Variants in PSMD6 observed in about 807,000 individuals in gnomAD.
PSMD6 encodes the protein proteasome 26S subunit, non-ATPase 6, also known as 26S proteasome non-ATPase regulatory subunit 6.
PSMD6 carries 7 observed loss-of-function variants against 44.9 expected under a neutral mutation model. The observed-to-expected ratio is 0.16, with a 90% CI of 0.09 to 0.29. The LOEUF (loss-of-function observed/expected upper bound fraction) is 0.29. PSMD6 is among the 10% of genes least tolerant of loss of function. The pLI, the probability that PSMD6 is intolerant of heterozygous loss-of-function variation, is 1.00. For synonymous variants in PSMD6, 184 were observed against 172.7 expected (o/e 1.07, Z -0.51); for missense variants, 420 against 482.6 (o/e 0.87, Z 1.21).
chr3:64,023,465 C>A lies in PSMD6; in HGVS notation c.-46G>T, dbSNP rs1165133298. The A allele has an allele frequency of 4.0e-6, 6 of 1,515,214 alleles. No individual in the cohort carries two copies. The African/African-American group carries it at 4.3e-5, about 11-fold the overall frequency. 93.9% of individuals were successfully genotyped at this position (1,515,214 alleles called of 1,614,324 possible). On this transcript the variant is annotated 5_prime_UTR_variant, in exon 1 of 8. Coordinates refer to ENST00000295901, the MANE Select transcript of PSMD6 (RefSeq NM_014814.3). Reference sequence around the variant, plus strand: ...CTGACAGGACACAACTTGGTTACGACCGGCTGCGGCAGCGGAAGCGGGAGG... The same window carrying A: ...CTGACAGGACACAACTTGGTTACGAACGGCTGCGGCAGCGGAAGCGGGAGG...
intron 6 of PSMD6, 31 bp downstream of exon 6, chr3:64,013,408 C>G: frequency 6.6e-7 from 1 of 1,506,376 alleles, no homozygotes; most frequent in Non-Finnish European, 8.9e-7. Context: ...AACTTTAAAA[C>G]TTCAATTAAC....
chr3:64,013,276 A>C (rs1365879411), intron 6 of PSMD6, 163 bp downstream of exon 6: 4 of 600,904 alleles, frequency 6.7e-6, no homozygotes, highest in Non-Finnish European at 1.1e-5. Context: ...AGGAAGGCAG[A>C]GGCAACAGGA....
upstream of PSMD6, chr3:64,023,912 G>A: frequency 7.6e-7 from 1 of 1,319,464 alleles, no homozygotes; most frequent in South Asian, 1.4e-5. Flanking sequence ...GGCACAAAGA[G>A]GTTAGGGAAA....
intron 5 of PSMD6, chr3:64,013,875 A>AAAGT (rs1456892704): frequency 2.3e-5 from 7 of 309,030 alleles, no homozygotes; most frequent in Middle Eastern, 8.8e-4. Context: ...CATAGATGAC[A>AAAGT]AAGTTCACGT....
chr3:64,019,536 G>C, intron 2 of PSMD6, 95 bp from the exon 3 acceptor site: 3 of 1,370,292 alleles, frequency 2.2e-6, no homozygotes, highest in Admixed American at 4.6e-5. Context: ...GTTGAGGGAA[G>C]AGGTAGGAGT....
chr3:64,022,800 G>GTTCT lies in PSMD6; in HGVS notation c.146-278_146-277insAGAA, dbSNP rs781156646. The GTTCT allele has an allele frequency of 2.7e-5, 42 of 1,536,072 alleles. No individual in the cohort carries two copies. In the Middle Eastern group the frequency reaches 5.0e-4, roughly 18 times the overall value. On this transcript the variant is annotated intron_variant, in intron 1 of 7. Coordinates refer to ENST00000295901, the MANE Select transcript of PSMD6 (RefSeq NM_014814.3). ...GCTCTTGCCGGATTCTGTTCCAAAA[G>GTTCT]TCTTCAAACAGGGAAAGACTTTTTA...
chr3:64,022,653 G>A (rs1443827587), intron 1 of PSMD6, 130 bp from the exon 2 acceptor site: 4 of 1,551,006 alleles, frequency 2.6e-6, no homozygotes, highest in East Asian at 4.8e-5. Context: ...AGGAAGGCAT[G>A]CGATGGCGCT....
At chr3:64,011,724 T>TGTCA in intron 6 of PSMD6, 1 of 152,302 alleles carries the variant, frequency 6.6e-6, no homozygotes, top group Non-Finnish European at 1.5e-5. Context: ...TGCATTCACT[T>TGTCA]GTCATCAAGA....
rs1032976896 is a variant in PSMD6, at chr3:64,022,727, G to A, written c.146-204C>T. 24 of 1,536,544 alleles carry A rather than the reference G, an allele frequency of 1.6e-5. No individual in the cohort carries two copies. In the African/African-American group the frequency reaches 3.1e-4, roughly 20 times the overall value. On this transcript the variant is annotated intron_variant, in intron 1 of 7. Transcript: ENST00000295901. Reference sequence around the variant, plus strand: ...GGAGGTTTGCGTGACGGCCAATCCTGGCAATGCCAACCTCTACTAGGGCTG... The same window carrying A: ...GGAGGTTTGCGTGACGGCCAATCCTAGCAATGCCAACCTCTACTAGGGCTG...
At chr3:64,018,776 AAAAC>A (rs774789851) in intron 4 of PSMD6, 38 bp downstream of exon 4, 2 of 1,533,042 alleles carry the variant, frequency 1.3e-6, no homozygotes, top group Non-Finnish European at 1.8e-6. Flanking sequence ...TTAAACAAAA[AAAAC>A]AAGTCTTTAA....
At chr3:64,023,001 C>T in intron 1 of PSMD6, 1 of 1,422,688 alleles carries the variant, frequency 7.0e-7, no homozygotes, top group East Asian at 2.5e-5. Context: ...CTGTGCCTAG[C>T]ACAGGGGTAA....
upstream of PSMD6, chr3:64,023,807 T>C (rs1437341435): frequency 2.7e-6 from 4 of 1,478,648 alleles, no homozygotes; most frequent in African/African-American, 4.2e-5. Flanking sequence ...ACAATCACCA[T>C]AGTTTGTCGA....
intron 2 of PSMD6, among the ~76,000 whole-genome samples, chr3:64,021,484 TA>T (rs1441403711): frequency 6.6e-6 from 1 of 152,240 alleles, no homozygotes; most frequent in Non-Finnish European, 1.5e-5. Flanking sequence ...ATTGAGCATT[TA>T]TATTCTTTTA....
chr3:64,013,827 A>C (rs1002195696), intron 5 of PSMD6: 6 of 386,164 alleles, frequency 1.6e-5, no homozygotes, highest in Non-Finnish European at 2.8e-5. Context: ...TGGCTATTTG[A>C]CATCACTATC....
At chr3:64,023,779 A>G (rs1313229032), upstream of PSMD6, 3 of 1,471,540 alleles carry the variant, frequency 2.0e-6, no homozygotes, top group South Asian at 2.4e-5. Flanking sequence ...TGAAAATGTA[A>G]TAACAGCATT....
At chr3:64,019,155 T>C in intron 3 of PSMD6, 118 bp from the exon 4 acceptor site, 1 of 1,375,390 alleles carries the variant, frequency 7.3e-7, no homozygotes, top group Non-Finnish European at 1.0e-6. Context: ...AAAGGAGATA[T>C]TTAAATTATT....
At chr3:64,022,874 A>G in intron 1 of PSMD6, 1 of 1,512,822 alleles carries the variant, frequency 6.6e-7, no homozygotes, top group Non-Finnish European at 8.8e-7. Context: ...TTCACTACAG[A>G]AGGGCCAGAA....
chr3:64,021,635 CCA>C lies in PSMD6; in HGVS notation c.351+681_351+682del, dbSNP rs1352302830. The stretch of plus-strand genomic sequence containing the variant: ...ACTAGCCTGGCCAACATGTTGAAAT[CCA>C]GTCTCTACTAATAATACAAAAAAAT... On this transcript the variant is annotated intron_variant, in intron 2 of 7. Coordinates refer to ENST00000295901, the MANE Select transcript of PSMD6 (RefSeq NM_014814.3). Among the ~76,000 whole-genome samples, 9 of 152,162 alleles carry C rather than the reference CCA, an allele frequency of 5.9e-5. No homozygotes were observed. The East Asian group carries it at 1.4e-3, about 23-fold the overall frequency.
intron 6 of PSMD6, 131 bp from the exon 7 acceptor site, chr3:64,011,086 C>G (rs1402490556): frequency 1.4e-6 from 1 of 699,034 alleles, no homozygotes; most frequent in Non-Finnish European, 2.3e-6. Context: ...ATTGCACATG[C>G]AGTAGTTGAC....
Sources: allele counts gnomAD v4.1 joint callset (sites outside exome capture counted in the v4.1 genomes callset), GRCh38; gene constraint gnomAD v4.1.1; transcripts MANE v1.5; gene names NCBI Gene and HGNC (gene_info 2026-07-23, HGNC 2026-07-21).